Variants in TPRG1 observed in about 807,000 individuals in gnomAD.
The protein encoded by TPRG1 is tumor protein p63-regulated gene 1 protein.
In TPRG1, 29 loss-of-function variants were observed where a neutral mutation model predicts 29.3. The observed-to-expected ratio is 0.99, with a 90% CI of 0.74 to 1.35. The LOEUF is 1.35. Among genes scored for constraint, TPRG1 ranks in the 40% most tolerant of loss-of-function variants. The pLI is 0.00. For missense variants in TPRG1, 327 were observed against 335.0 expected (o/e 0.98, Z 0.19); for synonymous variants, 130 against 116.8 (o/e 1.11, Z -0.73).
intron 5 of TPRG1, among the ~76,000 whole-genome samples, chr3:189,311,645 A>G (rs1040342224): frequency 6.6e-6 from 1 of 152,190 alleles, no homozygotes; most frequent in Non-Finnish European, 1.5e-5. Flanking sequence ...TGTTCCTCTC[A>G]AGAATTATGC....
chr3:189,011,314 T>G (rs1712587643), intron 3 of TPRG1, among the ~76,000 whole-genome samples: 1 of 152,200 alleles, frequency 6.6e-6, no homozygotes. Context: ...CAATGGTAGT[T>G]TAATGAGAAT....
At chr3:189,218,576 A>G (rs960625660) in intron 3 of TPRG1, among the ~76,000 whole-genome samples, 3 of 152,202 alleles carry the variant, frequency 2.0e-5, no homozygotes, top group Admixed American at 2.0e-4. Context: ...CAGAATGATG[A>G]GAGTAAAAGC....
At chr3:189,196,760 G>T (rs1732601888) in intron 1 of TPRG1, among the ~76,000 whole-genome samples, 1 of 151,988 alleles carries the variant, frequency 6.6e-6, no homozygotes, top group African/African-American at 2.4e-5. Flanking sequence ...TCATTGTTCT[G>T]CATATTTATG....
At chr3:189,083,165 G>T (rs565681434) in intron 4 of TPRG1, among the ~76,000 whole-genome samples, 1 of 152,264 alleles carries the variant, frequency 6.6e-6, no homozygotes, top group South Asian at 2.1e-4. Context: ...AACCGCTGGG[G>T]CCCAGGTGAC....
At chr3:189,120,033 A>G (rs943444796) in intron 1 of TPRG1, among the ~76,000 whole-genome samples, 14 of 152,220 alleles carry the variant, frequency 9.2e-5, no homozygotes, top group African/African-American at 3.4e-4. Context: ...GTGGTAACCT[A>G]TTAGACCTGA....
At chr3:189,318,869 A>C (rs1214238828) in intron 5 of TPRG1, among the ~76,000 whole-genome samples, 1 of 152,168 alleles carries the variant, frequency 6.6e-6, no homozygotes, top group Non-Finnish European at 1.5e-5. Flanking sequence ...ATTCTTCCCT[A>C]AATATCAGAA....
intron 4 of TPRG1, among the ~76,000 whole-genome samples, chr3:189,084,683 C>T (rs1189083561): frequency 6.6e-6 from 1 of 152,224 alleles, no homozygotes; most frequent in Admixed American, 6.5e-5. Flanking sequence ...GCCATCTCTC[C>T]TCCACCCTCC....
chr3:189,135,720 T>C (rs1022845196), intron 3 of TPRG1, among the ~76,000 whole-genome samples: 9 of 152,198 alleles, frequency 5.9e-5, no homozygotes, highest in Non-Finnish European at 1.0e-4. Flanking sequence ...ATGGAACATC[T>C]TTTTTTCCTC....
intron 3 of TPRG1, among the ~76,000 whole-genome samples, chr3:189,023,224 G>C: frequency 6.6e-6 from 1 of 152,210 alleles, no homozygotes; most frequent in Non-Finnish European, 1.5e-5. Flanking sequence ...GACCGGAGCT[G>C]TTCCTATTCG....
At chr3:189,207,224 G>A in intron 1 of TPRG1, 152 bp from the exon 2 acceptor site, 1 of 1,434,928 alleles carries the variant, frequency 7.0e-7, no homozygotes, top group Non-Finnish European at 9.2e-7. Flanking sequence ...GTGTTATGAA[G>A]CTGTATCCAC....
At chr3:189,173,913 C>T (rs1224168661) in intron 1 of TPRG1, among the ~76,000 whole-genome samples, 1 of 152,186 alleles carries the variant, frequency 6.6e-6, no homozygotes, top group Non-Finnish European at 1.5e-5. Flanking sequence ...GGAAATCTGT[C>T]AGAGAAGCCT....
chr3:189,025,417 A>G (rs897135660), intron 4 of TPRG1, among the ~76,000 whole-genome samples: 5 of 152,138 alleles, frequency 3.3e-5, no homozygotes, highest in Non-Finnish European at 7.3e-5. Flanking sequence ...TTCCCTGATC[A>G]GTCCCAATGC....
At chr3:189,147,885 C>T (rs1725462901) in intron 4 of TPRG1, among the ~76,000 whole-genome samples, 1 of 152,174 alleles carries the variant, frequency 6.6e-6, no homozygotes, top group African/African-American at 2.4e-5. Flanking sequence ...TGTGGGTGGT[C>T]GTTCTTCCCA....
At chr3:189,102,818 A>C (rs2152194219) in intron 1 of TPRG1, among the ~76,000 whole-genome samples, 1 of 152,112 alleles carries the variant, frequency 6.6e-6, no homozygotes, top group East Asian at 1.9e-4. Flanking sequence ...ATTTCTTGCC[A>C]TTTTTCCTAA....
intron 4 of TPRG1, among the ~76,000 whole-genome samples, chr3:189,086,336 C>T (rs1488851943): frequency 6.6e-6 from 1 of 151,586 alleles, no homozygotes; most frequent in Non-Finnish European, 1.5e-5. Context: ...TCTTCTTCTC[C>T]CAGTCCACTG....
chr3:189,267,925 A>G (rs1253241275), intron 4 of TPRG1, among the ~76,000 whole-genome samples: 1 of 152,186 alleles, frequency 6.6e-6, no homozygotes, highest in East Asian at 1.9e-4. Flanking sequence ...GAAAAGTGTG[A>G]TCAGGTCTTG....
At chr3:189,274,342 G>T (rs1715730347) in intron 4 of TPRG1, among the ~76,000 whole-genome samples, 1 of 152,048 alleles carries the variant, frequency 6.6e-6, no homozygotes, top group Non-Finnish European at 1.5e-5. Context: ...CTAGTCTCTA[G>T]GTCCAGTTAC....
chr3:189,066,657 G>A (rs1028498941), intron 4 of TPRG1, among the ~76,000 whole-genome samples: 1 of 149,258 alleles, frequency 6.7e-6, no homozygotes, highest in Non-Finnish European at 1.5e-5. Context: ...ACTGGCTATA[G>A]AAGAAACATG....
At chr3:189,052,361 C>T (rs1432823356) in intron 4 of TPRG1, among the ~76,000 whole-genome samples, 4 of 152,156 alleles carry the variant, frequency 2.6e-5, no homozygotes, top group African/African-American at 9.7e-5. Flanking sequence ...CACTGATGAT[C>T]AGGGAAATGC....
Sources: gnomAD v4.1 joint callset for allele counts (sites outside exome capture counted in the v4.1 genomes callset) on GRCh38, gnomAD v4.1.1 for gene constraint, MANE v1.5 for transcripts, NCBI Gene and HGNC (gene_info 2026-07-23, HGNC 2026-07-21) for gene names.